Variants in OSR1 observed in about 807,000 individuals in gnomAD.
OSR1 encodes protein odd-skipped-related 1.
In OSR1, 3 loss-of-function variants were observed where a neutral mutation model predicts 15.7. The ratio of observed to expected loss-of-function variants is 0.19; its 90% CI spans 0.09 to 0.50. OSR1 has a LOEUF of 0.50. Ranked by LOEUF, OSR1 falls within the 20% of genes least tolerant of loss-of-function variation. The pLI, the probability that OSR1 is intolerant of heterozygous loss-of-function variation, is 0.97. For synonymous variants in OSR1, 166 were observed against 152.7 expected (o/e 1.09, Z -0.64); for missense variants, 271 against 351.1 (o/e 0.77, Z 1.82).
At chr2:19,348,828 T>C (rs1163260558), downstream of OSR1, among the ~76,000 whole-genome samples, 5 of 152,188 alleles carry the variant, frequency 3.3e-5, no homozygotes, top group African/African-American at 1.2e-4. Context: ...CATCTGGCAG[T>C]TCCGGGCTGT....
chr2:19,347,332 ACT>A (rs1402562036), downstream of OSR1, among the ~76,000 whole-genome samples: 1 of 152,150 alleles, frequency 6.6e-6, no homozygotes, highest in Non-Finnish European at 1.5e-5. Context: ...ATTACTTTTA[ACT>A]CTACACAAAG....
intron 2 of OSR1, 21 bp from the exon 3 acceptor site, chr2:19,352,431 T>C: frequency 6.2e-7 from 1 of 1,613,126 alleles, no homozygotes; most frequent in Non-Finnish European, 8.5e-7. Flanking sequence ...AAACAGAGAG[T>C]TCATCCTTGC....
intron 1 of OSR1, 149 bp from the exon 2 acceptor site, chr2:19,353,986 T>C (rs1251136793): frequency 1.9e-5 from 12 of 643,382 alleles, no homozygotes; most frequent in Non-Finnish European, 3.1e-5. Context: ...CAAAACCCAC[T>C]GCCCTCACAA....
chr2:19,347,985 C>A (rs147013318), downstream of OSR1, among the ~76,000 whole-genome samples: 434 of 152,386 alleles, frequency 2.8e-3, 4 homozygotes, highest in African/African-American at 0.01. Flanking sequence ...GATTTCCACG[C>A]ACCGCCGTCA....
At chr2:19,345,855 G>A in the OSR1 span, among the ~76,000 whole-genome samples, 51 of 152,220 alleles carry the variant, frequency 3.4e-4, no homozygotes, top group Admixed American at 1.1e-3. Flanking sequence ...CTGGACCCAG[G>A]TTAATTAAGA....
rs1664854139 is a variant in OSR1 at position 19,352,171 on chromosome 2, G to T, written c.*104C>A. The T allele has an allele frequency of 7.5e-7, 1 of 1,331,156 alleles. No individual in the cohort carries two copies. Among genetic ancestry groups the T allele is most frequent in the Non-Finnish European group, 1.0e-6 (1 of 969,774 alleles). 82.5% of individuals were successfully genotyped at this position (1,331,156 alleles called of 1,614,324 possible). A position where few individuals can be genotyped will look rare whatever the true frequency, so the allele number is the denominator to read the frequency against. On this transcript the variant is annotated 3_prime_UTR_variant, in exon 3 of 3. Transcript: ENST00000272223. The stretch of plus-strand genomic sequence containing the variant: ...GGGGACAATGTTGGAGAGGTGGAAG[G>T]TCCCGAGCGAGCGCCTCTCCCGCTG...
At chr2:19,356,884 G>A (rs1375302023) in intron 1 of OSR1, 1 of 152,212 alleles carries the variant, frequency 6.6e-6, no homozygotes, top group Admixed American at 6.5e-5. Flanking sequence ...TGGTTTATTC[G>A]GGGCTAATTG....
chr2:19,351,126 ATCTCAGCACCCAGAGACGCTG>A (rs1414649857), downstream of OSR1, among the ~76,000 whole-genome samples: 1 of 152,028 alleles, frequency 6.6e-6, no homozygotes, highest in Non-Finnish European at 1.5e-5. Flanking sequence ...ACCCTAAGCG[ATCTCAGCACCCAGAGACGCTG>A]TCTCAGCACC....
At chr2:19,355,069 ACTC>A (rs1458724167) in intron 1 of OSR1, 1 of 152,074 alleles carries the variant, frequency 6.6e-6, no homozygotes, top group African/African-American at 2.4e-5. Flanking sequence ...CCTCCCAGAC[ACTC>A]CTAATTTAGA....
intron 2 of OSR1, 152 bp downstream of exon 2, chr2:19,352,989 T>C: frequency 1.0e-6 from 1 of 1,003,444 alleles, no homozygotes; most frequent in Non-Finnish European, 1.4e-6. Context: ...AACCTATCCC[T>C]GGATCTCCTA....
At chr2:19,354,389 TCACA>T (rs5829692) in intron 1 of OSR1, 24,386 of 146,330 alleles carry the variant, frequency 0.17, 3,064 homozygotes, top group East Asian at 0.7. Context: ...CCCCTGAATC[TCACA>T]CACACACACA....
downstream of OSR1, among the ~76,000 whole-genome samples, chr2:19,350,287 G>A (rs573488384): frequency 6.6e-6 from 1 of 152,134 alleles, no homozygotes; most frequent in South Asian, 2.1e-4. Flanking sequence ...TGGCCAGCAG[G>A]GGGCAGCGTG....
intron 1 of OSR1, chr2:19,355,754 G>A (rs1664936856): frequency 6.6e-6 from 1 of 152,272 alleles, no homozygotes; most frequent in African/African-American, 2.4e-5. Flanking sequence ...TGGTGCCGCT[G>A]GCAGCGCCGT....
chr2:19,357,020 C>G lies in OSR1; in HGVS notation c.-33+1321G>C, dbSNP rs1664963193. 6.6e-6 allele frequency: 1 copy of G among 152,212 alleles called. No homozygotes were observed. Among genetic ancestry groups the G allele is most frequent in the Non-Finnish European group, 1.5e-5 (1 of 68,052 alleles). 9.4% of individuals were successfully genotyped at this position (152,212 alleles called of 1,614,324 possible). On this transcript the variant is annotated intron_variant, in intron 1 of 2. Transcript: ENST00000272223. The surrounding 1 kb of genome is among the most constrained non-coding windows in gnomAD (Gnocchi z 5.0). ...ACATCGAATCTCCAACGAGTGGTGA[C>G]AGGCGTCCGGACCCCCGTGAAGAGG... is the stretch of plus-strand genomic sequence containing the variant.
chr2:19,348,863 C>T (rs755058360), downstream of OSR1, among the ~76,000 whole-genome samples: 7 of 152,162 alleles, frequency 4.6e-5, no homozygotes, highest in Middle Eastern at 3.2e-3. Flanking sequence ...GCACCTTCCG[C>T]CCTCCCTGCC....
chr2:19,356,247 G>T (rs1329145428), intron 1 of OSR1: 1 of 152,374 alleles, frequency 6.6e-6, no homozygotes, highest in Non-Finnish European at 1.5e-5. Context: ...GGCTCCGTAG[G>T]GGGTGCCGGG....
rs763914998 is a variant in OSR1, at chr2:19,357,053, G to C, written c.-33+1288C>G. 1.3e-5 allele frequency: 2 copies of C among 152,120 alleles called. No individual in the cohort carries two copies. Among genetic ancestry groups the C allele is most frequent in the African/African-American group, 4.8e-5 (2 of 41,428 alleles). 9.4% of individuals were successfully genotyped at this position (152,120 alleles called of 1,614,324 possible). On this transcript the variant is annotated intron_variant, in intron 1 of 2. Transcript: ENST00000272223. This position sits in a 1 kb window ranked among gnomAD's most constrained non-coding sequence, Gnocchi z 5.0. Reference sequence around the variant, plus strand: ...CGGACCCCCGTGAAGAGGACTGACCGGCACCGGATACTTCTATAGCATTCT... The same window carrying C: ...CGGACCCCCGTGAAGAGGACTGACCCGCACCGGATACTTCTATAGCATTCT...
Position 19,352,030 on chromosome 2 carries a change from C to A in OSR1, c.*245G>T. 2.6e-6 allele frequency: 1 copy of A among 389,896 alleles called. No individual in the cohort carries two copies. Among genetic ancestry groups the A allele is most frequent in the Non-Finnish European group, 4.6e-6 (1 of 219,480 alleles). The allele number at this position is 389,896 out of a possible 1,614,324, so 24.2% of individuals were successfully genotyped here. A position where few individuals can be genotyped will look rare whatever the true frequency, so the allele number is the denominator to read the frequency against. On this transcript the variant is annotated 3_prime_UTR_variant, in exon 3 of 3. Transcript: ENST00000272223. ...TTTTTTTAATGCAGTTTCCCTTCCG[C>A]CACGTGAGTACCGCCTTTTGGCCAA... is the stretch of plus-strand genomic sequence containing the variant.
chr2:19,348,052 G>A (rs1572257085), downstream of OSR1, among the ~76,000 whole-genome samples: 1 of 152,274 alleles, frequency 6.6e-6, no homozygotes, highest in African/African-American at 2.4e-5. Context: ...GCGCCTGCGC[G>A]TGGCGCTTGC....
Sources: allele counts gnomAD v4.1 joint callset (sites outside exome capture counted in the v4.1 genomes callset), GRCh38; gene constraint gnomAD v4.1.1; non-coding constraint Gnocchi (gnomAD v3.1); transcripts MANE v1.5; gene names NCBI Gene and HGNC (gene_info 2026-07-23, HGNC 2026-07-21).